Variants in SDC1 observed in about 807,000 individuals in gnomAD.
SDC1 encodes syndecan 1, also known as syndecan-1.
Under a neutral mutation model 29.7 loss-of-function variants are expected in SDC1, and 14 were observed. The ratio of observed to expected loss-of-function variants is 0.47; its 90% CI spans 0.31 to 0.74. The LOEUF (loss-of-function observed/expected upper bound fraction) is 0.74. Among genes scored for constraint, SDC1 ranks in the 30% least tolerant of loss-of-function variants. SDC1 has a pLI of 0.05. For synonymous variants in SDC1, 204 were observed against 175.5 expected (o/e 1.16, Z -1.29); for missense variants, 406 against 400.3 (o/e 1.01, Z -0.12).
In SDC1 at chr2:20,204,176, G is replaced by A. The variant is rs752092924; in HGVS notation, c.264C>T (p.Ala88=). ...PEPTGLEATA[A]STSTLPAGEG... is the part of the protein sequence containing the mutation. ...CTCCAGCCGGCAGGGTGGAGGTGGAGGCAGCTGTAGCCTCCAGGCCGGTGG... is the reference window on the plus strand; with the variant it reads ...CTCCAGCCGGCAGGGTGGAGGTGGAAGCAGCTGTAGCCTCCAGGCCGGTGG... Residue 88 remains alanine (A), a synonymous_variant, in exon 3 of 5, where the codon GCC becomes GCT. Transcript: ENST00000254351. 6.2e-7 allele frequency: 1 copy of A among 1,600,306 alleles called. No homozygotes were observed. Among genetic ancestry groups the A allele is most frequent in the African/African-American group, 1.3e-5 (1 of 74,910 alleles).
intron 1 of SDC1, among the ~76,000 whole-genome samples, chr2:20,211,133 G>T (rs938880519): frequency 1.8e-4 from 28 of 152,192 alleles, no homozygotes; most frequent in African/African-American, 6.5e-4. Flanking sequence ...CATCCAGACT[G>T]GGGGCTCTCA....
Position 20,202,898 on chromosome 2 carries a change from A to G in SDC1, c.801T>C (p.Ala267=). The G allele has an allele frequency of 6.2e-7, 1 of 1,613,434 alleles. No individual in the cohort carries two copies. The highest frequency in any genetic ancestry group is 8.5e-7 in the Non-Finnish European group (1 of 1,179,702). ...IAGGLVGLIF[A]VCLVGFMLYR... Reference sequence around the variant, plus strand: ...ACAGCATGAAACCCACCAGGCACACAGCAAAGATGAGCCCCACGAGGCCTC... The same window carrying G: ...ACAGCATGAAACCCACCAGGCACACGGCAAAGATGAGCCCCACGAGGCCTC... Residue 267 remains alanine (A), a synonymous_variant, in exon 5 of 5, where the codon GCT becomes GCC. Coordinates refer to ENST00000254351, the MANE Select transcript of SDC1 (RefSeq NM_002997.5).
intron 1 of SDC1, among the ~76,000 whole-genome samples, chr2:20,211,938 C>A (rs1292282151): frequency 6.6e-6 from 1 of 152,242 alleles, no homozygotes; most frequent in African/African-American, 2.4e-5. Flanking sequence ...ATCCGAGCAC[C>A]CAGGAGCAAG....
intron 1 of SDC1, chr2:20,223,130 G>C (rs1677873258): frequency 1.5e-6 from 1 of 651,022 alleles, no homozygotes; most frequent in Admixed American, 2.8e-5. Flanking sequence ...ACCCCTCACA[G>C]TCCAGCCCAT....
In SDC1 at chr2:20,224,247, C is replaced by G. The variant is rs1365701484; in HGVS notation, c.66+555G>C. The G allele has an allele frequency of 5.2e-6, 2 of 385,038 alleles. No individual in the cohort carries two copies. Among genetic ancestry groups the G allele is most frequent in the Non-Finnish European group, 5.2e-6 (1 of 192,812 alleles). 23.9% of individuals were successfully genotyped at this position (385,038 alleles called of 1,614,324 possible). On this transcript the variant is annotated intron_variant, in intron 1 of 4. Transcript: ENST00000254351. The surrounding 1 kb of genome is among the most constrained non-coding windows in gnomAD (Gnocchi z 4.9). ...TGCAGACGCTCGCCCGCGCCCCCCA[C>G]GCAGCCCTGGCCCGGCTCCCCGGGC...
At position 20,224,868 on chromosome 2, in the gene SDC1, G is replaced by A; in HGVS notation, c.-1C>T. ...AGAGCCAGAGCGCCGCGCGCCTCAT[G>A]CTGCCCGGACCGGCGGCGGGAGAGC... On this transcript the variant is annotated 5_prime_UTR_variant, in exon 1 of 5. Coordinates refer to ENST00000254351, the MANE Select transcript of SDC1 (RefSeq NM_002997.5). The surrounding 1 kb of genome is among the most constrained non-coding windows in gnomAD (Gnocchi z 4.9). The A allele has an allele frequency of 8.1e-7, 1 of 1,235,676 alleles. No individual in the cohort carries two copies. The highest frequency in any genetic ancestry group is 1.0e-6 in the Non-Finnish European group (1 of 990,900). The allele number at this position is 1,235,676 out of a possible 1,614,324, so 76.5% of individuals were successfully genotyped here.
At chr2:20,207,325 AAGGGC>A (rs1677308135) in intron 1 of SDC1, 1 of 750,142 alleles carries the variant, frequency 1.3e-6, no homozygotes, top group African/African-American at 1.9e-5. Flanking sequence ...TTGACCCTAG[AAGGGC>A]AATTCATAGC....
Position 20,203,190 on chromosome 2 carries a change from C to T in SDC1, c.660G>A (p.Thr220=), listed in dbSNP as rs1302931946. ...GGTCAGGCTCCACGGCCACTACAGC[C>T]GTATTCTCCCCCGAGGTTTCAAAGG... is the stretch of plus-strand genomic sequence containing the variant. ...DFTFETSGEN[T]AVVAVEPDRR... The change falls in exon 4 of 5, where the codon ACG becomes ACA. Residue 220 remains threonine, a synonymous_variant. Coordinates refer to ENST00000254351, the MANE Select transcript of SDC1 (RefSeq NM_002997.5). 15 of 1,611,606 alleles carry T rather than the reference C, an allele frequency of 9.3e-6. No individual in the cohort carries two copies. The highest frequency in any genetic ancestry group is 1.6e-4 in the Middle Eastern group (1 of 6,076).
chr2:20,219,218 G>A lies in SDC1; in HGVS notation c.66+5584C>T, dbSNP rs569517717. Among the ~76,000 whole-genome samples, 5 of 147,210 alleles carry A rather than the reference G, an allele frequency of 3.4e-5. No individual in the cohort carries two copies. In the East Asian group the frequency reaches 1.0e-3, roughly 30 times the overall value. ...TGCCAAAAAGCAGGACACTTGCCAG[G>A]GGAGGCTCAGGCCACCCCTCCCCGA... On this transcript the variant is annotated intron_variant, in intron 1 of 4. Transcript: ENST00000254351.
intron 1 of SDC1, chr2:20,207,864 TTCA>T (rs1677329544): frequency 9.4e-6 from 8 of 854,094 alleles, no homozygotes; most frequent in Non-Finnish European, 9.9e-6. Flanking sequence ...ACCTGTCTCC[TTCA>T]TCATCAAAGA....
chr2:20,222,034 A>T (rs567417148), intron 1 of SDC1, among the ~76,000 whole-genome samples: 1 of 152,306 alleles, frequency 6.6e-6, no homozygotes, highest in African/African-American at 2.4e-5. Context: ...ATAGCAAATA[A>T]CTATTCCAGA....
upstream of SDC1, chr2:20,225,173 A>C: frequency 5.6e-6 from 1 of 177,736 alleles, no homozygotes; most frequent in Non-Finnish European, 1.1e-5. Flanking sequence ...GGCCAGCCCC[A>C]GTCCACACCC....
At chr2:20,212,394 A>G (rs930337545) in intron 1 of SDC1, among the ~76,000 whole-genome samples, 2 of 152,016 alleles carry the variant, frequency 1.3e-5, no homozygotes, top group Non-Finnish European at 2.9e-5. Flanking sequence ...GCCAGGAGAC[A>G]CTGGGCTCCC....
intron 1 of SDC1, among the ~76,000 whole-genome samples, chr2:20,223,719 G>T (rs865986395): frequency 6.6e-6 from 1 of 152,240 alleles, no homozygotes; most frequent in African/African-American, 2.4e-5. Context: ...CTGTTCCCAG[G>T]AAAGGGTTAC....
rs1288985314 is a variant in SDC1 at position 20,224,202 on chromosome 2, C to T, written c.66+600G>A. 2.4e-6 allele frequency: 1 copy of T among 422,996 alleles called. No homozygotes were observed. Among genetic ancestry groups the T allele is most frequent in the Admixed American group, 2.5e-5 (1 of 40,298 alleles). The allele number at this position is 422,996 out of a possible 1,614,324, so 26.2% of individuals were successfully genotyped here. On this transcript the variant is annotated intron_variant, in intron 1 of 4. Coordinates refer to ENST00000254351, the MANE Select transcript of SDC1 (RefSeq NM_002997.5). The surrounding 1 kb of genome is among the most constrained non-coding windows in gnomAD (Gnocchi z 4.9). ...CCGGCTCAGCTCACCTCGAGCCGCCCACGGCAAGCCCGAGGGCCCTGCAGA... is the reference window on the plus strand; with the variant it reads ...CCGGCTCAGCTCACCTCGAGCCGCCTACGGCAAGCCCGAGGGCCCTGCAGA...
intron 1 of SDC1, among the ~76,000 whole-genome samples, chr2:20,221,289 T>C (rs1486490105): frequency 6.6e-6 from 1 of 152,146 alleles, no homozygotes; most frequent in East Asian, 1.9e-4. Flanking sequence ...TGGAGAAAAG[T>C]AACAAATTAG....
chr2:20,214,492 C>A (rs1324747845), intron 1 of SDC1, among the ~76,000 whole-genome samples: 1 of 152,232 alleles, frequency 6.6e-6, no homozygotes, highest in African/African-American at 2.4e-5. Flanking sequence ...CTCCAGATTA[C>A]TGGCAGGGCC....
chr2:20,224,093 G>A lies in SDC1; in HGVS notation c.66+709C>T. ...CACGGGAACGCGCCCTCCGGGGCCAGCTCAACTTCAGCAGCCCAGAAGTTG... is the reference window on the plus strand; with the variant it reads ...CACGGGAACGCGCCCTCCGGGGCCAACTCAACTTCAGCAGCCCAGAAGTTG... On this transcript the variant is annotated intron_variant, in intron 1 of 4. Transcript: ENST00000254351. The surrounding 1 kb of genome is among the most constrained non-coding windows in gnomAD (Gnocchi z 4.9). 2.7e-6 allele frequency: 1 copy of A among 369,528 alleles called. No homozygotes were observed. The highest frequency in any genetic ancestry group is 3.0e-5 in the Admixed American group (1 of 33,862). The allele number at this position is 369,528 out of a possible 1,614,324, so 22.9% of individuals were successfully genotyped here.
At chr2:20,218,367 AAAGG>A (rs1677697931) in intron 1 of SDC1, among the ~76,000 whole-genome samples, 1 of 152,264 alleles carries the variant, frequency 6.6e-6, no homozygotes, top group African/African-American at 2.4e-5. Flanking sequence ...TGGGAGGCAG[AAAGG>A]AAGCTGGTGT....
Sources: gnomAD v4.1 joint callset for allele counts (sites outside exome capture counted in the v4.1 genomes callset) on GRCh38, gnomAD v4.1.1 for gene constraint, Gnocchi (gnomAD v3.1) non-coding constraint, MANE v1.5 for transcripts, NCBI Gene and HGNC (gene_info 2026-07-23, HGNC 2026-07-21) for gene names.